SPAG16: variants seen among roughly 807,000 people sequenced by gnomAD.
SPAG16 encodes sperm-associated antigen 16 protein.
SPAG16 carries 86 observed loss-of-function variants against 80.4 expected under a neutral mutation model. The observed-to-expected ratio is 1.07, with a 90% CI of 0.90 to 1.28. The LOEUF (loss-of-function observed/expected upper bound fraction) is 1.28, where lower values mean the gene tolerates loss of function less well. SPAG16 is among the 50% of genes most tolerant of loss of function. The pLI, the probability that SPAG16 is intolerant of heterozygous loss-of-function variation, is 0.00. For synonymous variants in SPAG16, 294 were observed against 265.9 expected (o/e 1.11, Z -1.03); for missense variants, 870 against 765.3 (o/e 1.14, Z -1.61).
intron 13 of SPAG16, among the ~76,000 whole-genome samples, chr2:214,028,921 G>A (rs1181641575): frequency 1.3e-5 from 2 of 151,912 alleles, no homozygotes; most frequent in African/African-American, 4.8e-5. Context: ...CGTGTAGCAG[G>A]GACTATTCTA....
chr2:213,775,830 A>C (rs2069541360), intron 10 of SPAG16, among the ~76,000 whole-genome samples: 1 of 152,186 alleles, frequency 6.6e-6, no homozygotes. Context: ...TATTAAGTGG[A>C]AGCTGCATTT....
intron 15 of SPAG16, among the ~76,000 whole-genome samples, chr2:214,243,630 A>T (rs2125831454): frequency 6.6e-6 from 1 of 152,228 alleles, no homozygotes; most frequent in East Asian, 1.9e-4. Context: ...TTAAGACTAT[A>T]TATCACTTCT....
Position 213,652,946 on chromosome 2 carries a change from G to A in SPAG16, c.1070+162856G>A, listed in dbSNP as rs933082880. Among the ~76,000 whole-genome samples, 4 of 152,098 alleles carry A rather than the reference G, an allele frequency of 2.6e-5. No homozygotes were observed. In the East Asian group the frequency reaches 5.8e-4, roughly 22 times the overall value. ...CTCTTGGTCCCAAAGATTATCTCCC[G>A]TGTTTCTTCTAAAAGTTTTATTGTG... On this transcript the variant is annotated intron_variant, in intron 10 of 15. Transcript: ENST00000331683.
At chr2:213,435,839 C>T (rs2070605543) in intron 9 of SPAG16, among the ~76,000 whole-genome samples, 1 of 152,108 alleles carries the variant, frequency 6.6e-6, no homozygotes, top group Admixed American at 6.5e-5. Flanking sequence ...CAACGTTAAT[C>T]ATCTTAATAT....
At chr2:214,149,299 A>G (rs763929102) in intron 15 of SPAG16, 33 bp downstream of exon 15, 13 of 1,477,152 alleles carry the variant, frequency 8.8e-6, no homozygotes, top group Non-Finnish European at 1.1e-5. Flanking sequence ...TTTCTGACTA[A>G]GCCAATAACA....
intron 12 of SPAG16, among the ~76,000 whole-genome samples, chr2:213,954,555 T>C (rs949785268): frequency 2.6e-5 from 4 of 152,274 alleles, no homozygotes; most frequent in African/African-American, 9.6e-5. Flanking sequence ...TGTGCAGGTT[T>C]GTTACATAGA....
chr2:213,988,143 A>T (rs2106441441), intron 12 of SPAG16, among the ~76,000 whole-genome samples: 1 of 152,138 alleles, frequency 6.6e-6, no homozygotes, highest in South Asian at 2.1e-4. Flanking sequence ...AACCCCTTTA[A>T]ATAAACCAAG....
intron 10 of SPAG16, among the ~76,000 whole-genome samples, chr2:213,651,514 G>T (rs75148077): frequency 0.02 from 3,107 of 152,232 alleles, 97 homozygotes; most frequent in African/African-American, 0.069. Context: ...CCTAGCCACT[G>T]CACCATGGTA....
intron 10 of SPAG16, among the ~76,000 whole-genome samples, chr2:213,800,519 C>T (rs1341773800): frequency 6.6e-6 from 1 of 152,000 alleles, no homozygotes; most frequent in African/African-American, 2.4e-5. Flanking sequence ...ACGTGCACAC[C>T]ACCATGCTCG....
rs1329869756 is a variant in SPAG16 at position 213,869,253 on chromosome 2, C to CAAAAAAAAA, written c.1214+6629_1214+6637dup. Among the ~76,000 whole-genome samples the CAAAAAAAAA allele has an allele frequency of 1.4e-3, 118 of 82,738 alleles. 10 individuals are homozygous for CAAAAAAAAA. Among genetic ancestry groups the CAAAAAAAAA allele is most frequent in the South Asian group, 7.3e-3 (15 of 2,054 alleles). The allele number at this position is 82,738 out of a possible 152,430, so 54.3% of individuals were successfully genotyped here. A position where few individuals can be genotyped will look rare whatever the true frequency, so the allele number is the denominator to read the frequency against. On this transcript the variant is annotated intron_variant, in intron 11 of 15. Transcript: ENST00000331683. Reference sequence around the variant, plus strand: ...GGGCAACAAGAGCTAAAGTCCATGTCAAAAAAAAAAAATATATATATATAT... The same window carrying CAAAAAAAAA: ...GGGCAACAAGAGCTAAAGTCCATGTCAAAAAAAAAAAAAAAAAAAAATATATATATATAT...
chr2:213,659,495 G>A (rs557825069), intron 10 of SPAG16, among the ~76,000 whole-genome samples: 69 of 152,056 alleles, frequency 4.5e-4, no homozygotes, highest in African/African-American at 1.6e-3. Flanking sequence ...TTAAAATATA[G>A]CATTTTTAAA....
chr2:213,693,803 A>C (rs1163289400), intron 10 of SPAG16, among the ~76,000 whole-genome samples: 1 of 152,174 alleles, frequency 6.6e-6, no homozygotes, highest in Non-Finnish European at 1.5e-5. Flanking sequence ...AGAAGCCAAA[A>C]TCAAATGCTA....
chr2:214,180,430 A>C (rs1159298828), intron 15 of SPAG16, among the ~76,000 whole-genome samples: 1 of 151,726 alleles, frequency 6.6e-6, no homozygotes, highest in Admixed American at 6.6e-5. Flanking sequence ...AATAACTCAG[A>C]TATATAGTCC....
intron 10 of SPAG16, among the ~76,000 whole-genome samples, chr2:213,784,626 T>TAAAAAAAA: frequency 2.1e-5 from 1 of 47,934 alleles, no homozygotes; most frequent in Non-Finnish European, 4.0e-5. Flanking sequence ...CAATTATTTC[T>TAAAAAAAA]AAAAAAAAAA....
At chr2:213,352,118 T>C (rs889178427) in intron 7 of SPAG16, among the ~76,000 whole-genome samples, 3 of 151,722 alleles carry the variant, frequency 2.0e-5, no homozygotes, top group African/African-American at 7.3e-5. Flanking sequence ...TCATGAGGAC[T>C]CCCCAGCCAT....
intron 14 of SPAG16, among the ~76,000 whole-genome samples, chr2:214,125,713 G>A (rs11900320): frequency 0.087 from 13,238 of 151,670 alleles, 795 homozygotes; most frequent in East Asian, 0.29. Flanking sequence ...GAAAGATATG[G>A]CACCTTTCCT....
Position 213,970,484 on chromosome 2 carries a change from G to A in SPAG16, c.1400+40339G>A, listed in dbSNP as rs1023170008. ...ACCTGGCTAATTTTTGTATGTTTTTGTAGAGACAGGTTTCACCATGTTGCC... is the reference window on the plus strand; with the variant it reads ...ACCTGGCTAATTTTTGTATGTTTTTATAGAGACAGGTTTCACCATGTTGCC... On this transcript the variant is annotated intron_variant, in intron 12 of 15. Coordinates refer to ENST00000331683, the MANE Select transcript of SPAG16 (RefSeq NM_024532.5). Among the ~76,000 whole-genome samples, 9 of 151,932 alleles carry A rather than the reference G, an allele frequency of 5.9e-5. No homozygotes were observed. In the South Asian group the frequency reaches 8.3e-4, roughly 14 times the overall value.
At chr2:213,650,362 C>A (rs2062976649) in intron 10 of SPAG16, among the ~76,000 whole-genome samples, 2 of 152,178 alleles carry the variant, frequency 1.3e-5, no homozygotes, top group South Asian at 4.1e-4. Flanking sequence ...ATCTCTCCTG[C>A]CTTATAACTG....
intron 1 of SPAG16, among the ~76,000 whole-genome samples, chr2:213,291,900 A>C (rs563798753): frequency 1.4e-4 from 22 of 152,324 alleles, no homozygotes; most frequent in Admixed American, 2.6e-4. Context: ...GAATAAATAT[A>C]GTTTTGGTCC....
Sources: allele counts gnomAD v4.1 joint callset (sites outside exome capture counted in the v4.1 genomes callset), GRCh38; gene constraint gnomAD v4.1.1; transcripts MANE v1.5; gene names NCBI Gene and HGNC (gene_info 2026-07-23, HGNC 2026-07-21).